Variants in VRK2 observed in about 807,000 individuals in gnomAD.
VRK2 encodes VRK serine/threonine kinase 2, also known as serine/threonine-protein kinase VRK2.
A neutral mutation model predicts 57.6 loss-of-function variants in VRK2; 60 were observed. The observed-to-expected ratio is 1.04, with a 90% CI of 0.85 to 1.29. The LOEUF is 1.29. Among genes scored for constraint, VRK2 ranks in the 50% most tolerant of loss-of-function variants. The pLI, the probability that VRK2 is intolerant of heterozygous loss-of-function variation, is 0.00. For missense variants in VRK2, 705 were observed against 588.1 expected (o/e 1.20, Z -2.06); for synonymous variants, 231 against 199.2 (o/e 1.16, Z -1.35).
chr2:58,098,353 A>T (rs1345217589), intron 7 of VRK2, among the ~76,000 whole-genome samples: 1 of 152,134 alleles, frequency 6.6e-6, no homozygotes, highest in Non-Finnish European at 1.5e-5. Flanking sequence ...ACAGTGTTTT[A>T]TAAGTCTACA....
chr2:57,925,174 T>C (rs551316148), intron 1 of VRK2, among the ~76,000 whole-genome samples: 1 of 152,226 alleles, frequency 6.6e-6, no homozygotes, highest in South Asian at 2.1e-4. Context: ...TTTTCTTTTT[T>C]TGATATATCT....
At chr2:58,026,014 C>A (rs1673912658) in intron 2 of VRK2, among the ~76,000 whole-genome samples, 1 of 152,106 alleles carries the variant, frequency 6.6e-6, no homozygotes, top group Non-Finnish European at 1.5e-5. Context: ...AAATAATGTT[C>A]TATAAAACTA....
chr2:58,130,576 T>C (rs1558674924), intron 8 of VRK2, among the ~76,000 whole-genome samples: 1 of 152,220 alleles, frequency 6.6e-6, no homozygotes, highest in African/African-American at 2.4e-5. Flanking sequence ...TAATAACTTA[T>C]ACATGGTAAC....
At chr2:58,058,361 C>A in intron 2 of VRK2, 2 of 470,480 alleles carry the variant, frequency 4.3e-6, no homozygotes, top group South Asian at 3.1e-5. Flanking sequence ...GAGACACTGG[C>A]CATTTTTCTC....
intron 7 of VRK2, among the ~76,000 whole-genome samples, chr2:58,097,080 G>A (rs2104307137): frequency 6.6e-6 from 1 of 152,078 alleles, no homozygotes; most frequent in East Asian, 1.9e-4. Context: ...TGACTTAAAA[G>A]CTGATCAGTT....
At chr2:58,079,467 A>AT (rs1264687010) in intron 2 of VRK2, among the ~76,000 whole-genome samples, 1 of 151,832 alleles carries the variant, frequency 6.6e-6, no homozygotes, top group East Asian at 1.9e-4. Flanking sequence ...CCAAATGATG[A>AT]TTTTCTATTT....
At chr2:58,069,327 T>C (rs1162203870) in intron 2 of VRK2, among the ~76,000 whole-genome samples, 2 of 152,180 alleles carry the variant, frequency 1.3e-5, no homozygotes, top group African/African-American at 4.8e-5. Context: ...AGTTTACTTA[T>C]CGAAGTCTGT....
intron 11 of VRK2, among the ~76,000 whole-genome samples, chr2:58,140,412 C>G (rs1051149854): frequency 4.0e-5 from 6 of 151,838 alleles, no homozygotes; most frequent in Non-Finnish European, 5.9e-5. Flanking sequence ...CATTTTTAAG[C>G]GGGTGGTGGA....
At chr2:58,103,637 A>G (rs72951066) in intron 7 of VRK2, among the ~76,000 whole-genome samples, 5,615 of 151,708 alleles carry the variant, frequency 0.037, 354 homozygotes, top group African/African-American at 0.13. Flanking sequence ...CCAGTAACCA[A>G]ATGGATTAAT....
intron 2 of VRK2, among the ~76,000 whole-genome samples, chr2:58,072,771 A>G (rs752956619): frequency 6.6e-6 from 1 of 151,754 alleles, no homozygotes; most frequent in Non-Finnish European, 1.5e-5. Flanking sequence ...TGCTGGTTTT[A>G]TAGAATTAGT....
chr2:58,004,149 T>C (rs1332234831), intron 1 of VRK2, among the ~76,000 whole-genome samples: 3 of 150,434 alleles, frequency 2.0e-5, no homozygotes, highest in Non-Finnish European at 1.5e-5. Context: ...TTTTTTCTCT[T>C]TGTCTCTTTT....
chr2:57,947,615 A>C (rs976534653), intron 1 of VRK2, among the ~76,000 whole-genome samples: 2 of 152,154 alleles, frequency 1.3e-5, no homozygotes, highest in Non-Finnish European at 2.9e-5. Context: ...CCTACATATA[A>C]ATCATTTAGT....
chr2:58,050,639 T>C (rs1235711081), intron 2 of VRK2, among the ~76,000 whole-genome samples: 1 of 152,254 alleles, frequency 6.6e-6, no homozygotes, highest in Non-Finnish European at 1.5e-5. Flanking sequence ...TCTTGAAATG[T>C]AAATATTATA....
intron 1 of VRK2, among the ~76,000 whole-genome samples, chr2:57,962,420 T>C (rs1671789324): frequency 6.6e-6 from 1 of 152,170 alleles, no homozygotes; most frequent in Non-Finnish European, 1.5e-5. Flanking sequence ...TTTTTTTTTG[T>C]TTTTTAACTC....
intron 8 of VRK2, among the ~76,000 whole-genome samples, chr2:58,128,700 A>G (rs560399545): frequency 6.6e-6 from 1 of 152,274 alleles, no homozygotes; most frequent in South Asian, 2.1e-4. Context: ...GCTGAGCTCT[A>G]TTAATTTTTG....
chr2:57,913,015 C>G (rs1382816684), intron 1 of VRK2, among the ~76,000 whole-genome samples: 7 of 152,182 alleles, frequency 4.6e-5, no homozygotes. Flanking sequence ...AGTGGGCCTC[C>G]TCAGACACTG....
intron 1 of VRK2, among the ~76,000 whole-genome samples, chr2:57,970,363 A>T (rs2104019290): frequency 6.6e-6 from 1 of 151,558 alleles, no homozygotes; most frequent in South Asian, 2.1e-4. Context: ...TAACAAGGTA[A>T]ATCAGAAATT....
chr2:57,959,892 G>A (rs1236729847), intron 1 of VRK2, among the ~76,000 whole-genome samples: 1 of 152,084 alleles, frequency 6.6e-6, no homozygotes, highest in Non-Finnish European at 1.5e-5. Flanking sequence ...GCAATAGGAG[G>A]TAGCCTTAGA....
intron 7 of VRK2, among the ~76,000 whole-genome samples, chr2:58,117,899 G>C (rs536925538): frequency 6.4e-4 from 97 of 152,262 alleles, no homozygotes; most frequent in Admixed American, 3.5e-3. Context: ...CCAGAGAAAA[G>C]AGTAGAGACA....
Sources: gnomAD v4.1 joint callset for allele counts (sites outside exome capture counted in the v4.1 genomes callset) on GRCh38, gnomAD v4.1.1 for gene constraint, MANE v1.5 for transcripts, NCBI Gene and HGNC (gene_info 2026-07-23, HGNC 2026-07-21) for gene names.